MACROD2: variants seen among roughly 807,000 people sequenced by gnomAD.
The protein encoded by MACROD2 is mono-ADP ribosylhydrolase 2.
Under a neutral mutation model 70.4 loss-of-function variants are expected in MACROD2, and 36 were observed. That is an observed-to-expected ratio of 0.51 (90% confidence interval 0.39 to 0.68). The LOEUF (loss-of-function observed/expected upper bound fraction) is 0.68. Among genes scored for constraint, MACROD2 ranks in the 30% least tolerant of loss-of-function variants. MACROD2 has a pLI of 0.00. For missense variants in MACROD2, 496 were observed against 538.4 expected, an observed-to-expected ratio of 0.92 and a Z score of 0.78; for synonymous variants, 172 against 178.8, an observed-to-expected ratio of 0.96 and a Z score of 0.30.
At chr20:14,948,009 A>AG (rs2074446389) in intron 5 of MACROD2, among the ~76,000 whole-genome samples, 1 of 152,010 alleles carries the variant, frequency 6.6e-6, no homozygotes, top group African/African-American at 2.4e-5. Flanking sequence ...TTCAAGGAGC[A>AG]GCTCCCTCGC....
chr20:14,094,459 A>C (rs891755872), intron 3 of MACROD2, among the ~76,000 whole-genome samples: 1 of 152,166 alleles, frequency 6.6e-6, no homozygotes, highest in Non-Finnish European at 1.5e-5. Context: ...AACTGTTCTC[A>C]CCAACGTCAC....
intron 3 of MACROD2, among the ~76,000 whole-genome samples, chr20:14,293,574 C>G (rs1230592272): frequency 1.3e-5 from 2 of 151,740 alleles, no homozygotes; most frequent in African/African-American, 4.9e-5. Flanking sequence ...GATGTGCGGG[C>G]TGGGGAGTGG....
intron 5 of MACROD2, among the ~76,000 whole-genome samples, chr20:15,228,936 G>T (rs1192765089): frequency 1.3e-5 from 2 of 151,994 alleles, no homozygotes; most frequent in Non-Finnish European, 2.9e-5. Context: ...AAATAATTTC[G>T]TTATAATACT....
At chr20:14,149,195 T>TG (rs1254080013) in intron 3 of MACROD2, among the ~76,000 whole-genome samples, 1 of 151,458 alleles carries the variant, frequency 6.6e-6, no homozygotes, top group Non-Finnish European at 1.5e-5. Context: ...ACCCAATGTT[T>TG]TTTTTTTTTT....
In MACROD2 at chr20:15,033,946, C is replaced by T. The variant is rs771236712; in HGVS notation, c.419-195994C>T. Among the ~76,000 whole-genome samples, 10 of 152,206 alleles carry T rather than the reference C, an allele frequency of 6.6e-5. No individual in the cohort carries two copies. In the East Asian group the frequency reaches 7.7e-4, roughly 12 times the overall value. ...TTTTATTAATGAATGAGAGTTCAGA[C>T]GGCAAATGATAGTCTAACAACATCA... On this transcript the variant is annotated intron_variant, in intron 5 of 17. Transcript: ENST00000684519.
At chr20:14,066,711 A>G (rs528275229) in intron 2 of MACROD2, among the ~76,000 whole-genome samples, 2 of 152,278 alleles carry the variant, frequency 1.3e-5, no homozygotes, top group African/African-American at 4.8e-5. Flanking sequence ...CAGTCTATCA[A>G]GTTAACCTCA....
chr20:16,039,548 T>C lies in MACROD2; in HGVS notation c.1154-1653T>C, dbSNP rs765352314. 8.6e-5 allele frequency among the ~76,000 whole-genome samples: 13 copies of C among 151,982 alleles called. No individual in the cohort carries two copies. In the East Asian group the frequency reaches 1.2e-3, roughly 14 times the overall value. On this transcript the variant is annotated intron_variant, in intron 15 of 17. Transcript: ENST00000684519. ...TTGGTATTTTTTCCATTAAAAAGTT[T>C]ATTATGTTTATAAAGTCAAATATTT...
At chr20:15,990,974 G>A (rs1309270875) in intron 15 of MACROD2, among the ~76,000 whole-genome samples, 1 of 152,202 alleles carries the variant, frequency 6.6e-6, no homozygotes, top group Admixed American at 6.5e-5. Context: ...GGTCAGCCAT[G>A]CTGAAAGCTG....
At chr20:15,946,739 G>A (rs2065828776) in intron 12 of MACROD2, among the ~76,000 whole-genome samples, 1 of 152,152 alleles carries the variant, frequency 6.6e-6, no homozygotes, top group Non-Finnish European at 1.5e-5. Context: ...AAACAAATAA[G>A]ACACAGAGAC....
intron 8 of MACROD2, chr20:15,552,153 T>A (rs2048108325): frequency 6.6e-6 from 1 of 152,178 alleles, no homozygotes; most frequent in Admixed American, 6.5e-5. Context: ...GTTCTTCTCT[T>A]TTTTGGAAGA....
In MACROD2 at chr20:14,757,633, G is replaced by C. The variant is rs1463812452; in HGVS notation, c.418+72674G>C. 20 of 1,207,102 alleles carry C rather than the reference G, an allele frequency of 1.7e-5. No homozygotes were observed. The Admixed American group carries it at 3.3e-4, about 20-fold the overall frequency. The allele number at this position is 1,207,102 out of a possible 1,614,324, so 74.8% of individuals were successfully genotyped here. On this transcript the variant is annotated intron_variant, in intron 5 of 17. Transcript: ENST00000684519. ...TTAAGGAGGGAGTCATGGTGGCCAA[G>C]GACATCCACATGCCTAAGCACCTGG... is the stretch of plus-strand genomic sequence containing the variant.
chr20:15,234,257 C>T (rs943176892), intron 6 of MACROD2, among the ~76,000 whole-genome samples: 2 of 149,378 alleles, frequency 1.3e-5, no homozygotes, highest in African/African-American at 2.5e-5. Flanking sequence ...TGGTCTCGAT[C>T]TCCTGACCTC....
intron 5 of MACROD2, among the ~76,000 whole-genome samples, chr20:15,123,925 T>C (rs1335959311): frequency 6.6e-6 from 1 of 152,166 alleles, no homozygotes; most frequent in Admixed American, 6.6e-5. Flanking sequence ...TAAATATCCA[T>C]CTGAGATGCT....
At chr20:15,075,593 C>A (rs1247284440) in intron 5 of MACROD2, among the ~76,000 whole-genome samples, 1 of 152,148 alleles carries the variant, frequency 6.6e-6, no homozygotes, top group Admixed American at 6.5e-5. Context: ...TAGTTTCTAT[C>A]CACTCAAAAG....
intron 5 of MACROD2, among the ~76,000 whole-genome samples, chr20:14,970,985 G>A (rs1052021731): frequency 2.6e-5 from 4 of 152,170 alleles, no homozygotes; most frequent in African/African-American, 9.7e-5. Context: ...AAGGAACATG[G>A]GAACTGAATA....
At chr20:14,249,416 A>G (rs961571706) in intron 3 of MACROD2, among the ~76,000 whole-genome samples, 1 of 151,910 alleles carries the variant, frequency 6.6e-6, no homozygotes. Flanking sequence ...AGGAAGGGGC[A>G]AAACCAAGGA....
At chr20:15,350,933 CAAAACA>C (rs1023543611) in intron 6 of MACROD2, among the ~76,000 whole-genome samples, 6 of 151,938 alleles carry the variant, frequency 3.9e-5, no homozygotes, top group Middle Eastern at 3.4e-3. Flanking sequence ...ATAATAATAG[CAAAACA>C]AAAACAAAAA....
At chr20:14,530,926 G>A (rs928087615) in intron 4 of MACROD2, among the ~76,000 whole-genome samples, 1 of 152,142 alleles carries the variant, frequency 6.6e-6, no homozygotes, top group Non-Finnish European at 1.5e-5. Context: ...GTAGCAAAAG[G>A]TGGTTGTTAA....
intron 6 of MACROD2, among the ~76,000 whole-genome samples, chr20:15,291,391 A>G (rs1426281020): frequency 6.6e-6 from 1 of 152,244 alleles, no homozygotes; most frequent in Non-Finnish European, 1.5e-5. Flanking sequence ...AGAAAACCTG[A>G]GACACAGTAG....
Sources: gnomAD v4.1 joint callset for allele counts (sites outside exome capture counted in the v4.1 genomes callset) on GRCh38, gnomAD v4.1.1 for gene constraint, MANE v1.5 for transcripts, NCBI Gene and HGNC (gene_info 2026-07-23, HGNC 2026-07-21) for gene names.